SLC25A21: variants seen among roughly 807,000 people sequenced by gnomAD.
The protein encoded by SLC25A21 is mitochondrial 2-oxodicarboxylate carrier.
SLC25A21 carries 47 observed loss-of-function variants against 43.8 expected under a neutral mutation model. The ratio of observed to expected loss-of-function variants is 1.07; its 90% confidence interval spans 0.85 to 1.37. The LOEUF (loss-of-function observed/expected upper bound fraction) is 1.37. SLC25A21 is among the 40% of genes most tolerant of loss of function. The pLI, the probability that SLC25A21 is intolerant of heterozygous loss-of-function variation, is 0.00. For missense variants in SLC25A21, 352 were observed against 350.2 expected (o/e 1.00, Z -0.04); for synonymous variants, 131 against 121.3 (o/e 1.08, Z -0.52).
rs1888459345 is a variant in SLC25A21 at position 36,816,493 on chromosome 14, TC to T, written c.120-2493del. On this transcript the variant is annotated intron_variant, in intron 2 of 9. Transcript: ENST00000331299. ...TAAAAATGACACATTTAACATATTCTCCTCTTTTTTTTTTTTTTTTTTGAGA... is the reference window on the plus strand; with the variant it reads ...TAAAAATGACACATTTAACATATTCTCTCTTTTTTTTTTTTTTTTTTGAGA... Among the ~76,000 whole-genome samples the T allele has an allele frequency of 4.8e-5, 7 of 145,042 alleles. No individual in the cohort carries two copies. In the South Asian group the frequency reaches 8.8e-4, roughly 18 times the overall value.
At chr14:36,758,807 T>C (rs1289726269) in intron 3 of SLC25A21, among the ~76,000 whole-genome samples, 1 of 152,102 alleles carries the variant, frequency 6.6e-6, no homozygotes, top group East Asian at 1.9e-4. Context: ...TTGGTTCTGA[T>C]AAAACTTCAA....
intron 3 of SLC25A21, among the ~76,000 whole-genome samples, chr14:36,743,544 C>T (rs1251247965): frequency 6.6e-6 from 1 of 151,982 alleles, no homozygotes; most frequent in Non-Finnish European, 1.5e-5. Flanking sequence ...ATAATAAAAG[C>T]CATCCATATA....
At chr14:37,140,956 T>A (rs372320859) in intron 1 of SLC25A21, among the ~76,000 whole-genome samples, 1 of 152,120 alleles carries the variant, frequency 6.6e-6, no homozygotes, top group Admixed American at 6.5e-5. Flanking sequence ...AGACCAACCT[T>A]GCCACATGGC....
intron 3 of SLC25A21, 46 bp downstream of exon 3, chr14:36,813,872 G>C: frequency 7.5e-7 from 1 of 1,333,110 alleles, no homozygotes; most frequent in African/African-American, 1.5e-5. Context: ...GAGAAAACAT[G>C]TTAAGTAGAA....
intron 1 of SLC25A21, among the ~76,000 whole-genome samples, chr14:36,929,319 G>T (rs185616904): frequency 6.6e-6 from 1 of 152,254 alleles, no homozygotes; most frequent in Admixed American, 6.5e-5. Context: ...CTAACAAAAA[G>T]ATAGAAAACT....
At chr14:36,975,474 A>G (rs996145195) in intron 1 of SLC25A21, among the ~76,000 whole-genome samples, 1 of 152,242 alleles carries the variant, frequency 6.6e-6, no homozygotes, top group African/African-American at 2.4e-5. Context: ...TACTCCGTCT[A>G]GAAAATAACA....
chr14:37,110,122 G>T (rs1479547972), intron 1 of SLC25A21, among the ~76,000 whole-genome samples: 4 of 152,146 alleles, frequency 2.6e-5, no homozygotes, highest in Non-Finnish European at 5.9e-5. Flanking sequence ...ATGTATAATT[G>T]CTGTAAAACA....
intron 1 of SLC25A21, among the ~76,000 whole-genome samples, chr14:37,156,242 T>C (rs1963847676): frequency 6.6e-6 from 1 of 151,134 alleles, no homozygotes; most frequent in South Asian, 2.1e-4. Flanking sequence ...AAGAATTAAA[T>C]GGTATTACTA....
intron 1 of SLC25A21, among the ~76,000 whole-genome samples, chr14:37,096,711 A>T (rs1014308361): frequency 4.6e-5 from 7 of 151,654 alleles, no homozygotes; most frequent in Admixed American, 2.6e-4. Context: ...ATTTCTGTTG[A>T]TTTTTTTATT....
At chr14:36,712,300 ATC>A (rs1417449588) in intron 6 of SLC25A21, among the ~76,000 whole-genome samples, 1 of 151,350 alleles carries the variant, frequency 6.6e-6, no homozygotes, top group Non-Finnish European at 1.5e-5. Context: ...TACAAAAGAT[ATC>A]TCTCTCATAT....
chr14:36,873,358 C>T (rs543717960), intron 2 of SLC25A21, among the ~76,000 whole-genome samples: 21 of 152,086 alleles, frequency 1.4e-4, no homozygotes, highest in Admixed American at 9.8e-4. Flanking sequence ...TGCAGTGGTG[C>T]GATCTCGGCT....
chr14:37,158,808 T>C (rs1963892008), intron 1 of SLC25A21, among the ~76,000 whole-genome samples: 1 of 152,126 alleles, frequency 6.6e-6, no homozygotes, highest in African/African-American at 2.4e-5. Context: ...TATTTTCTGA[T>C]GATATAATCT....
intron 2 of SLC25A21, among the ~76,000 whole-genome samples, chr14:36,834,117 G>A (rs1322244274): frequency 1.3e-5 from 2 of 152,140 alleles, no homozygotes; most frequent in Non-Finnish European, 2.9e-5. Flanking sequence ...GCAGCAAAGG[G>A]AAATAATAGC....
chr14:36,894,893 C>T (rs189959624), intron 1 of SLC25A21, among the ~76,000 whole-genome samples: 267 of 152,302 alleles, frequency 1.8e-3, no homozygotes, highest in African/African-American at 6.2e-3. Context: ...ATGAAACCCA[C>T]TTGATCACGG....
chr14:36,832,882 C>G (rs562425320), intron 2 of SLC25A21, among the ~76,000 whole-genome samples: 1 of 152,052 alleles, frequency 6.6e-6, no homozygotes, highest in Non-Finnish European at 1.5e-5. Context: ...TGTGATTAAG[C>G]AATAAAGAAT....
At chr14:36,767,725 G>C (rs1382163744) in intron 3 of SLC25A21, among the ~76,000 whole-genome samples, 1 of 152,158 alleles carries the variant, frequency 6.6e-6, no homozygotes, top group African/African-American at 2.4e-5. Flanking sequence ...CATTTTATGA[G>C]GCCAAGGTGA....
rs537219659 is a variant in SLC25A21 at position 36,835,650 on chromosome 14, A to G, written c.120-21649T>C. 3.3e-5 allele frequency among the ~76,000 whole-genome samples: 5 copies of G among 152,364 alleles called. No individual in the cohort carries two copies. The East Asian group carries it at 9.6e-4, about 29-fold the overall frequency. On this transcript the variant is annotated intron_variant, in intron 2 of 9. Transcript: ENST00000331299. ...TTTTTTACAAACACACAAGGACCCT[A>G]ATATCTTCTAAATAAGAACTTAATG...
Position 36,679,853 on chromosome 14 carries a change from T to TATC in SLC25A21, c.*802_*804dup, listed in dbSNP as rs1287919808. On this transcript the variant is annotated 3_prime_UTR_variant, in exon 10 of 10. Transcript: ENST00000331299. Reference sequence around the variant, plus strand: ...ATGACAATATCTCATCAACAAAACTTATCTTCAAAGAGAACTATGTGGAGG... The same window carrying TATC: ...ATGACAATATCTCATCAACAAAACTTATCATCTTCAAAGAGAACTATGTGGAGG... 2.0e-6 allele frequency: 2 copies of TATC among 984,016 alleles called. No homozygotes were observed. Among genetic ancestry groups the TATC allele is most frequent in the Admixed American group, 6.1e-5 (1 of 16,270 alleles). The allele number at this position is 984,016 out of a possible 1,614,324, so 61.0% of individuals were successfully genotyped here.
At chr14:37,051,024 C>CT (rs11393113) in intron 1 of SLC25A21, among the ~76,000 whole-genome samples, 49,070 of 151,952 alleles carry the variant, frequency 0.32, 8,106 homozygotes, top group African/African-American at 0.35. Context: ...TTACCCTACT[C>CT]TATCTTTTTC....
Sources: allele counts gnomAD v4.1 joint callset (sites outside exome capture counted in the v4.1 genomes callset), GRCh38; gene constraint gnomAD v4.1.1; transcripts MANE v1.5; gene names NCBI Gene and HGNC (gene_info 2026-07-23, HGNC 2026-07-21).